OC90: variants seen among roughly 807,000 people sequenced by gnomAD.
OC90 encodes the protein otoconin 90, also known as otoconin-90.
In OC90, 46 loss-of-function variants were observed where a neutral mutation model predicts 47.3. The observed-to-expected ratio is 0.97, with a 90% CI of 0.77 to 1.24. The LOEUF is 1.24. Among genes scored for constraint, OC90 ranks in the 50% most tolerant of loss-of-function variants. The probability of loss-of-function intolerance (pLI) is 0.00; values close to 1 mark genes in which losing one functional copy is unlikely to be tolerated. For missense variants in OC90, 688 were observed against 583.9 expected (o/e 1.18, Z -1.84); for synonymous variants, 271 against 219.5 (o/e 1.23, Z -2.07).
intron 13 of OC90, among the ~76,000 whole-genome samples, chr8:132,025,988 T>C (rs900066106): frequency 6.6e-6 from 1 of 152,250 alleles, no homozygotes; most frequent in Admixed American, 6.5e-5. Context: ...TCATCATTCA[T>C]ATTACCAGAT....
chr8:132,046,319 A>G (rs1823132855), intron 2 of OC90, among the ~76,000 whole-genome samples: 1 of 152,182 alleles, frequency 6.6e-6, no homozygotes, highest in Non-Finnish European at 1.5e-5. Context: ...CATCAGAATC[A>G]CCTGGGATGC....
At chr8:132,038,901 C>T in intron 7 of OC90, 70 bp from the exon 8 acceptor site, 4 of 1,599,958 alleles carry the variant, frequency 2.5e-6, no homozygotes, top group Non-Finnish European at 3.4e-6. Context: ...AGATGCTGGA[C>T]TTGGCATCTA....
intron 13 of OC90, among the ~76,000 whole-genome samples, chr8:132,028,567 G>GAAAGAAAGAAAGAAAGAAAGA (rs1157447594): frequency 1.2e-3 from 15 of 12,980 alleles, no homozygotes; most frequent in African/African-American, 2.3e-3. Context: ...AGAAAGAAAG[G>GAAAGAAAGAAAGAAAGAAAGA]AAGGAAGGAA....
At chr8:132,027,196 T>C (rs150241920) in intron 13 of OC90, among the ~76,000 whole-genome samples, 6 of 152,184 alleles carry the variant, frequency 3.9e-5, no homozygotes, top group African/African-American at 1.2e-4. Flanking sequence ...GAGATTAGAA[T>C]AGTTAGTCGC....
intron 6 of OC90, among the ~76,000 whole-genome samples, chr8:132,039,454 T>A (rs1823022412): frequency 6.6e-6 from 1 of 152,112 alleles, no homozygotes; most frequent in Admixed American, 6.5e-5. Context: ...GCCTCCTAAC[T>A]ATGCCCCCAG....
At chr8:132,031,317 G>T (rs1291290923) in intron 12 of OC90, among the ~76,000 whole-genome samples, 1 of 152,210 alleles carries the variant, frequency 6.6e-6, no homozygotes, top group African/African-American at 2.4e-5. Context: ...AGCTCAAGCG[G>T]TATGGGTTTG....
chr8:132,041,055 T>C lies in OC90; in HGVS notation c.446A>G (p.Lys149Arg). Residue 149 changes from lysine to arginine, a missense_variant, in exon 6 of 14, where the codon AAG (lysine) becomes AGG (arginine). Lys to Arg is a conservative substitution (Grantham distance 26). Transcript: ENST00000254627. Reference sequence around the variant, plus strand: ...CTGGAGATGCTTACCACATATGATCTTCTTGCTGACACAATTGACCTCTGT... The same window carrying C: ...CTGGAGATGCTTACCACATATGATCCTCTTGCTGACACAATTGACCTCTGT... ...LSTEVNCVSK[K>R]IICESKDNCE... 6.3e-7 allele frequency: 1 copy of C among 1,595,236 alleles called. No homozygotes were observed. Among genetic ancestry groups the C allele is most frequent in the Non-Finnish European group, 8.6e-7 (1 of 1,162,718 alleles).
intron 10 of OC90, among the ~76,000 whole-genome samples, chr8:132,033,409 A>T (rs1822906724): frequency 6.6e-6 from 1 of 152,176 alleles, no homozygotes; most frequent in Non-Finnish European, 1.5e-5. Flanking sequence ...CATCCCAGGG[A>T]TGAGGACTCT....
At position 132,024,405 on chromosome 8, in the gene OC90, G is replaced by A; in HGVS notation, c.*76C>T. ...AGGGAAGAAGGCTCCAAGGGACAGA[G>A]GAGGCTGAGAGATAAAGAGCTGAAG... On this transcript the variant is annotated 3_prime_UTR_variant, in exon 14 of 14. Coordinates refer to ENST00000254627, the MANE Select transcript of OC90 (RefSeq NM_001080399.3). 1 of 1,196,632 alleles carries A rather than the reference G, an allele frequency of 8.4e-7. No individual in the cohort carries two copies. The allele number at this position is 1,196,632 out of a possible 1,614,324, so 74.1% of individuals were successfully genotyped here.
chr8:132,043,330 C>T (rs1586712908), intron 4 of OC90, among the ~76,000 whole-genome samples: 3 of 152,348 alleles, frequency 2.0e-5, no homozygotes, highest in East Asian at 3.9e-4. Context: ...TTTTCTGTCA[C>T]TGCCAATTCA....
chr8:132,050,995 A>AAAT (rs1823205465), intron 2 of OC90, among the ~76,000 whole-genome samples: 2 of 152,242 alleles, frequency 1.3e-5, no homozygotes, highest in African/African-American at 2.4e-5. Flanking sequence ...ACTCTGTCTC[A>AAAT]AATAATAATA....
chr8:132,024,914 C>T (rs1822733994), intron 13 of OC90, 138 bp from the exon 14 acceptor site: 2 of 677,168 alleles, frequency 3.0e-6, no homozygotes, highest in South Asian at 4.5e-5. Context: ...CCTTATATGG[C>T]TGGTAATTTT....
chr8:132,028,417 G>A (rs1351197473), intron 13 of OC90, among the ~76,000 whole-genome samples: 2 of 151,828 alleles, frequency 1.3e-5, no homozygotes, highest in African/African-American at 2.4e-5. Context: ...GAGGAGAATC[G>A]CTGGAATCAG....
intron 7 of OC90, 27 bp downstream of exon 7, chr8:132,038,968 C>G: frequency 6.2e-7 from 1 of 1,613,508 alleles, no homozygotes; most frequent in Non-Finnish European, 8.5e-7. Context: ...CTCAGCCCCA[C>G]GGCTGATGCA....
chr8:132,056,324 G>T (rs1425132001), intron 1 of OC90, among the ~76,000 whole-genome samples: 2 of 152,222 alleles, frequency 1.3e-5, no homozygotes, highest in Non-Finnish European at 2.9e-5. Flanking sequence ...TTCTGCCTGT[G>T]AGCAAGGCTT....
intron 10 of OC90, among the ~76,000 whole-genome samples, chr8:132,033,388 C>T (rs1563729388): frequency 6.6e-6 from 1 of 152,162 alleles, no homozygotes; most frequent in Non-Finnish European, 1.5e-5. Flanking sequence ...TGTGCTAGAC[C>T]ACCTGGATGA....
chr8:132,052,563 A>G (rs1413541044), intron 2 of OC90, among the ~76,000 whole-genome samples: 15 of 152,078 alleles, frequency 9.9e-5, no homozygotes. Flanking sequence ...CAGGATATAG[A>G]CTCCCACACG....
At chr8:132,045,305 T>C (rs757231682) in intron 3 of OC90, among the ~76,000 whole-genome samples, 1 of 152,208 alleles carries the variant, frequency 6.6e-6, no homozygotes, top group Non-Finnish European at 1.5e-5. Flanking sequence ...AGGGCTGACA[T>C]CACCAGCGAA....
chr8:132,034,943 C>T lies in OC90; in HGVS notation c.680-109G>A, dbSNP rs181216330. On this transcript the variant is annotated intron_variant, in intron 9 of 13. Transcript: ENST00000254627. ...CACACAGGCAGCCATGTGCTCTTCA[C>T]TCTGCCCCTGGCCCACTTCCCACCA... 538 of 739,196 alleles carry T rather than the reference C, an allele frequency of 7.3e-4. 2 individuals carry two copies. Among genetic ancestry groups the T allele is most frequent in the Non-Finnish European group, 4.0e-4 (171 of 427,496 alleles). 45.8% of individuals were successfully genotyped at this position (739,196 alleles called of 1,614,324 possible). A position where few individuals can be genotyped will look rare whatever the true frequency, so the allele number is the denominator to read the frequency against.
Sources: gnomAD v4.1 joint callset for allele counts (sites outside exome capture counted in the v4.1 genomes callset) on GRCh38, gnomAD v4.1.1 for gene constraint, MANE v1.5 for transcripts, NCBI Gene and HGNC (gene_info 2026-07-23, HGNC 2026-07-21) for gene names.